DOK6: variants seen among roughly 807,000 people sequenced by gnomAD.
DOK6 encodes the protein docking protein 6.
A neutral mutation model predicts 44.0 loss-of-function variants in DOK6; 22 were observed. That is an observed-to-expected ratio of 0.50 (90% CI 0.36 to 0.71). DOK6 has a LOEUF of 0.71. Among genes scored for constraint, DOK6 ranks in the 30% least tolerant of loss-of-function variants. The pLI is 0.00. For synonymous variants in DOK6, 166 were observed against 145.5 expected, an observed-to-expected ratio of 1.14 and a Z score of -1.01; for missense variants, 340 against 416.4, an observed-to-expected ratio of 0.82 and a Z score of 1.60.
At chr18:69,589,270 G>T (rs1983572886) in intron 2 of DOK6, among the ~76,000 whole-genome samples, 1 of 151,816 alleles carries the variant, frequency 6.6e-6, no homozygotes, top group African/African-American at 2.4e-5. Flanking sequence ...TTTCTTAGTA[G>T]AAAATAAATA....
intron 3 of DOK6, among the ~76,000 whole-genome samples, chr18:69,625,017 A>T (rs949008851): frequency 2.0e-5 from 3 of 152,132 alleles, no homozygotes; most frequent in African/African-American, 7.2e-5. Context: ...AATATATTGA[A>T]AGTTGAAACA....
chr18:69,500,878 A>G (rs1981029809), intron 1 of DOK6, among the ~76,000 whole-genome samples: 1 of 152,148 alleles, frequency 6.6e-6, no homozygotes, highest in Non-Finnish European at 1.5e-5. Flanking sequence ...TCTAACTGTC[A>G]CCATTAAGAC....
intron 7 of DOK6, among the ~76,000 whole-genome samples, chr18:69,762,780 CTT>C (rs1338798236): frequency 6.6e-6 from 1 of 152,174 alleles, no homozygotes; most frequent in East Asian, 1.9e-4. Flanking sequence ...AGCCTCAAAG[CTT>C]TGACTTAGCT....
At chr18:69,589,568 T>G (rs1372149639) in intron 2 of DOK6, among the ~76,000 whole-genome samples, 1 of 152,120 alleles carries the variant, frequency 6.6e-6, no homozygotes, top group Non-Finnish European at 1.5e-5. Flanking sequence ...ATTATCATGA[T>G]GCAAACTGAA....
chr18:69,507,012 T>C (rs1981208896), intron 1 of DOK6, among the ~76,000 whole-genome samples: 1 of 152,040 alleles, frequency 6.6e-6, no homozygotes, highest in Non-Finnish European at 1.5e-5. Context: ...TTGGTAATTA[T>C]AGGTTTTTGT....
intron 4 of DOK6, among the ~76,000 whole-genome samples, chr18:69,697,119 T>C (rs535934663): frequency 6.8e-6 from 1 of 146,938 alleles, no homozygotes; most frequent in African/African-American, 2.5e-5. Context: ...TTATGTTAAT[T>C]TGTAATTCAA....
rs980548187 is a variant in DOK6, at chr18:69,842,709, G to A, written c.*1326G>A. The stretch of plus-strand genomic sequence containing the variant: ...TTTAAAGGGAGGTAGTGAATTCCAC[G>A]GAAACTGAGTTTGGCTAATTCAGGT... On this transcript the variant is annotated 3_prime_UTR_variant, in exon 8 of 8. Coordinates refer to ENST00000382713, the MANE Select transcript of DOK6 (RefSeq NM_152721.6). 2.0e-5 allele frequency: 3 copies of A among 152,126 alleles called. No homozygotes were observed. The highest frequency in any genetic ancestry group is 4.8e-5 in the African/African-American group (2 of 41,404). 9.4% of individuals were successfully genotyped at this position (152,126 alleles called of 1,614,324 possible).
chr18:69,544,579 G>A (rs1308644887), intron 1 of DOK6, among the ~76,000 whole-genome samples: 2 of 151,498 alleles, frequency 1.3e-5, no homozygotes, highest in Non-Finnish European at 3.0e-5. Flanking sequence ...GAAGCATTGA[G>A]AAGTTTTAAA....
At chr18:69,529,885 G>A (rs542659959) in intron 1 of DOK6, among the ~76,000 whole-genome samples, 1 of 152,088 alleles carries the variant, frequency 6.6e-6, no homozygotes, top group African/African-American at 2.4e-5. Flanking sequence ...TGATATGTTA[G>A]GCACTTTACA....
chr18:69,436,171 A>ATTT (rs10657543), intron 1 of DOK6, among the ~76,000 whole-genome samples: 40,987 of 144,854 alleles, frequency 0.28, 6,088 homozygotes, highest in East Asian at 0.42. Context: ...AATTATCTGG[A>ATTT]TTTTTTTTTT....
chr18:69,401,440 C>A, intron 1 of DOK6, 130 bp downstream of exon 1: 2 of 1,112,636 alleles, frequency 1.8e-6, no homozygotes, highest in Non-Finnish European at 2.4e-6. Flanking sequence ...AGGCGGATGG[C>A]CCGCTTGTTG....
Position 69,599,533 on chromosome 18 carries a change from A to G in DOK6, c.289+35A>G, listed in dbSNP as rs780314418. On this transcript the variant is annotated intron_variant, in intron 3 of 7. Transcript: ENST00000382713. ...TATTGGCCATCTACCCCTTGAGGAA[A>G]TTGAGCTGCTTGTGAGACAATGGCC... 6 of 1,568,068 alleles carry G rather than the reference A, an allele frequency of 3.8e-6. No individual in the cohort carries two copies. In the Admixed American group the frequency reaches 1.0e-4, roughly 27 times the overall value.
chr18:69,673,531 G>A (rs1435249333), intron 3 of DOK6, among the ~76,000 whole-genome samples: 3 of 152,174 alleles, frequency 2.0e-5, no homozygotes, highest in Non-Finnish European at 4.4e-5. Context: ...ACAACACAGG[G>A]AGGAGCCACC....
intron 2 of DOK6, among the ~76,000 whole-genome samples, chr18:69,576,590 T>C (rs1330137132): frequency 1.3e-5 from 2 of 152,298 alleles, no homozygotes; most frequent in African/African-American, 4.8e-5. Flanking sequence ...TTGATATGTT[T>C]ACTGTGAGAG....
intron 1 of DOK6, among the ~76,000 whole-genome samples, chr18:69,440,893 T>C (rs1031013110): frequency 6.6e-6 from 1 of 152,158 alleles, no homozygotes; most frequent in African/African-American, 2.4e-5. Context: ...GAAGGTTTAA[T>C]ACAAGTACTG....
At chr18:69,646,875 T>C (rs978005302) in intron 3 of DOK6, among the ~76,000 whole-genome samples, 13 of 152,182 alleles carry the variant, frequency 8.5e-5, no homozygotes, top group African/African-American at 3.1e-4. Context: ...GCCCCTTGTG[T>C]CTGGTCAATA....
chr18:69,455,156 C>CAAAAAAAAAAAAAA (rs58451274), intron 1 of DOK6, among the ~76,000 whole-genome samples: 9 of 117,436 alleles, frequency 7.7e-5, no homozygotes, highest in South Asian at 2.9e-4. Flanking sequence ...ATAGCTATAG[C>CAAAAAAAAAAAAAA]AAAAAAAAAA....
At chr18:69,759,568 A>G (rs1190194467) in intron 7 of DOK6, among the ~76,000 whole-genome samples, 1 of 152,170 alleles carries the variant, frequency 6.6e-6, no homozygotes, top group African/African-American at 2.4e-5. Context: ...TTTTCATGGT[A>G]GTATGAAGGA....
At chr18:69,441,087 T>G (rs1979124722) in intron 1 of DOK6, among the ~76,000 whole-genome samples, 1 of 152,148 alleles carries the variant, frequency 6.6e-6, no homozygotes, top group African/African-American at 2.4e-5. Flanking sequence ...TAATTTCCAG[T>G]AAATTGTGTG....
Sources: gnomAD v4.1 joint callset for allele counts (sites outside exome capture counted in the v4.1 genomes callset) on GRCh38, gnomAD v4.1.1 for gene constraint, MANE v1.5 for transcripts, NCBI Gene and HGNC (gene_info 2026-07-23, HGNC 2026-07-21) for gene names.